Variants in XRCC5 observed in about 807,000 individuals in gnomAD.
The protein encoded by XRCC5 is X-ray repair cross complementing 5.
Under a neutral mutation model 95.7 loss-of-function variants are expected in XRCC5, and 12 were observed. The ratio of observed to expected loss-of-function variants is 0.13; its 90% confidence interval spans 0.08 to 0.20. The LOEUF (loss-of-function observed/expected upper bound fraction) is 0.20. Ranked by LOEUF, XRCC5 falls within the 10% of genes least tolerant of loss-of-function variation. The probability of loss-of-function intolerance (pLI) is 1.00; values close to 1 mark genes in which losing one functional copy is unlikely to be tolerated. For missense variants in XRCC5, 595 were observed against 873.9 expected, an observed-to-expected ratio of 0.68 and a Z score of 4.02; for synonymous variants, 281 against 290.3, an observed-to-expected ratio of 0.97 and a Z score of 0.33.
chr2:216,163,210 C>G (rs1243064978), intron 16 of XRCC5, among the ~76,000 whole-genome samples: 1 of 152,054 alleles, frequency 6.6e-6, no homozygotes, highest in East Asian at 1.9e-4. Context: ...TCATAGCTCA[C>G]TATAACGTTG....
intron 16 of XRCC5, among the ~76,000 whole-genome samples, chr2:216,179,652 C>T (rs1689345397): frequency 6.6e-6 from 1 of 152,130 alleles, no homozygotes; most frequent in South Asian, 2.1e-4. Flanking sequence ...TCTTGAGAAG[C>T]TCAAGATGAC....
intron 19 of XRCC5, among the ~76,000 whole-genome samples, chr2:216,202,702 C>G (rs41296799): frequency 6.6e-6 from 1 of 152,006 alleles, no homozygotes; most frequent in Non-Finnish European, 1.5e-5. Flanking sequence ...AGATAAATTC[C>G]TTATTCGCTC....
At chr2:216,182,724 T>C (rs1284536621) in intron 16 of XRCC5, among the ~76,000 whole-genome samples, 1 of 152,212 alleles carries the variant, frequency 6.6e-6, no homozygotes, top group Non-Finnish European at 1.5e-5. Context: ...ATATTCTACT[T>C]TAAGTGTACT....
At chr2:216,141,496 A>G (rs144433844) in intron 13 of XRCC5, among the ~76,000 whole-genome samples, 177 bp downstream of exon 13, 5 of 146,402 alleles carry the variant, frequency 3.4e-5, no homozygotes, top group Non-Finnish European at 3.0e-5. Context: ...AAATATTCTG[A>G]GCTCTTAAAA....
intron 5 of XRCC5, among the ~76,000 whole-genome samples, chr2:216,120,985 C>G (rs1045165843): frequency 4.6e-5 from 7 of 152,188 alleles, no homozygotes; most frequent in Non-Finnish European, 1.0e-4. Context: ...ATCCACCTGC[C>G]TCGCCCTCCC....
At chr2:216,190,533 A>G (rs1333082165) in intron 17 of XRCC5, among the ~76,000 whole-genome samples, 199 bp downstream of exon 17, 1 of 152,200 alleles carries the variant, frequency 6.6e-6, no homozygotes. Flanking sequence ...GATAAAGATG[A>G]GTAGGTAGGG....
At chr2:216,188,351 T>C (rs749767045) in intron 16 of XRCC5, among the ~76,000 whole-genome samples, 7 of 152,258 alleles carry the variant, frequency 4.6e-5, no homozygotes, top group Non-Finnish European at 1.0e-4. Context: ...ATGCATTATA[T>C]TCCCTATTCA....
intron 16 of XRCC5, among the ~76,000 whole-genome samples, chr2:216,166,605 T>C (rs3821107): frequency 0.29 from 44,774 of 152,098 alleles, 7,410 homozygotes; most frequent in South Asian, 0.46. Flanking sequence ...CTTGTTTGGA[T>C]ATCTTCCACC....
intron 20 of XRCC5, 80 bp downstream of exon 20, chr2:216,204,476 C>A: frequency 6.8e-7 from 1 of 1,468,764 alleles, no homozygotes; most frequent in Non-Finnish European, 9.5e-7. Flanking sequence ...GGCTGATTAT[C>A]TTACACTTGT....
At chr2:216,191,896 A>G (rs181442418) in intron 17 of XRCC5, among the ~76,000 whole-genome samples, 2 of 152,370 alleles carry the variant, frequency 1.3e-5, no homozygotes, top group Admixed American at 1.3e-4. Flanking sequence ...CATAAATGAA[A>G]TAATTTGACT....
At chr2:216,142,645 A>G (rs1262071838) in intron 13 of XRCC5, among the ~76,000 whole-genome samples, 13 of 152,156 alleles carry the variant, frequency 8.5e-5, no homozygotes, top group Non-Finnish European at 1.5e-5. Flanking sequence ...TTGCTCACAG[A>G]GGAGTAGAGG....
chr2:216,198,974 T>C (rs1689784925), intron 19 of XRCC5, among the ~76,000 whole-genome samples: 1 of 152,192 alleles, frequency 6.6e-6, no homozygotes, highest in Non-Finnish European at 1.5e-5. Context: ...AGGAAGCTGA[T>C]TTCTTTTGGT....
At chr2:216,133,706 CAAG>C (rs1697028245) in intron 10 of XRCC5, among the ~76,000 whole-genome samples, 1 of 152,064 alleles carries the variant, frequency 6.6e-6, no homozygotes, top group Non-Finnish European at 1.5e-5. Flanking sequence ...TGAGATAACT[CAAG>C]AAAAACAGAT....
chr2:216,115,030 CAAAG>C (rs71991669), intron 2 of XRCC5, among the ~76,000 whole-genome samples: 13,219 of 152,124 alleles, frequency 0.087, 1,890 homozygotes, highest in African/African-American at 0.3. Context: ...AAAAACTAAA[CAAAG>C]AAGGGCGCAG....
rs1311882463 is a variant in XRCC5 at position 216,116,897 on chromosome 2, G to A, written c.319+55G>A. The A allele has an allele frequency of 7.0e-6, 11 of 1,581,980 alleles. No individual in the cohort carries two copies. The Admixed American group carries it at 1.0e-4, about 15-fold the overall frequency. On this transcript the variant is annotated intron_variant, in intron 3 of 20. Coordinates refer to ENST00000392132, the MANE Select transcript of XRCC5 (RefSeq NM_021141.4). The stretch of plus-strand genomic sequence containing the variant: ...AGAAATTTCCTTTATTCTGGGAATC[G>A]TACAGCAGTTTGATGAGACACCCCC...
chr2:216,141,540 C>CCTTTTTTTT (rs1697169411), intron 13 of XRCC5, among the ~76,000 whole-genome samples: 1 of 65,006 alleles, frequency 1.5e-5, no homozygotes, highest in Admixed American at 2.1e-4. Flanking sequence ...TCTTTCTTTT[C>CCTTTTTTTT]TTTTTTTTTT....
intron 16 of XRCC5, among the ~76,000 whole-genome samples, chr2:216,187,861 T>TCTCTCTCTCTCTCTCTCTCTCTCCC (rs143232624): frequency 2.6e-5 from 3 of 116,236 alleles, no homozygotes; most frequent in African/African-American, 1.3e-4. Context: ...TCTCTCTCTC[T>TCTCTCTCTCTCTCTCTCTCTCTCCC]CCCCGTCTCC....
At chr2:216,149,285 T>C (rs1441627037) in intron 14 of XRCC5, among the ~76,000 whole-genome samples, 1 of 152,052 alleles carries the variant, frequency 6.6e-6, no homozygotes, top group Non-Finnish European at 1.5e-5. Flanking sequence ...ACATCCAAGC[T>C]TTGTCAGAAT....
chr2:216,156,135 TC>T (rs1389042962), intron 14 of XRCC5, among the ~76,000 whole-genome samples: 1 of 152,232 alleles, frequency 6.6e-6, no homozygotes, highest in East Asian at 1.9e-4. Context: ...AAATATACTT[TC>T]ATACAGATTT....
Sources: gnomAD v4.1 joint callset for allele counts (sites outside exome capture counted in the v4.1 genomes callset) on GRCh38, gnomAD v4.1.1 for gene constraint, MANE v1.5 for transcripts, NCBI Gene and HGNC (gene_info 2026-07-23, HGNC 2026-07-21) for gene names.